Variants in ZNF484 observed in about 807,000 individuals in gnomAD.
The protein encoded by ZNF484 is zinc finger protein 484.
ZNF484 carries 11 observed loss-of-function variants against 12.9 expected under a neutral mutation model. That is an observed-to-expected ratio of 0.85 (90% CI 0.54 to 1.41). The LOEUF is 1.41. ZNF484 is among the 40% of genes most tolerant of loss of function. ZNF484 has a pLI of 0.00. For synonymous variants in ZNF484, 289 were observed against 334.1 expected (o/e 0.86, Z 1.47); for missense variants, 807 against 1,007.7 (o/e 0.80, Z 2.70).
At chr9:92,872,215 G>A in intron 2 of ZNF484, among the ~76,000 whole-genome samples, 2 of 111,272 alleles carry the variant, frequency 1.8e-5, no homozygotes. Context: ...TGGGCAACAA[G>A]AGCAAATCTC....
At position 92,847,815 on chromosome 9, in the gene ZNF484, C is replaced by T. The variant is rs748609759; in HGVS notation, c.972G>A (p.Glu324=). 20 of 1,614,070 alleles carry T rather than the reference C, an allele frequency of 1.2e-5. No individual in the cohort carries two copies. Among genetic ancestry groups the T allele is most frequent in the Non-Finnish European group, 1.7e-5 (20 of 1,180,028 alleles). The part of the protein sequence containing the change: ...LKSNRQKTPY[E]GNYYKCSDYG... ...AGTCACTGCATTTATAGTAATTCCC[C>T]TCATAAGGAGTTTTCTGACGGTTTG... The change falls in exon 5 of 5, where the codon GAG becomes GAA. Residue 324 remains glutamate, a synonymous_variant. Coordinates refer to ENST00000375495, the MANE Select transcript of ZNF484 (RefSeq NM_031486.4).
intron 2 of ZNF484, among the ~76,000 whole-genome samples, chr9:92,870,853 T>G (rs1052556316): frequency 3.3e-5 from 5 of 152,170 alleles, no homozygotes; most frequent in Non-Finnish European, 7.3e-5. Context: ...CTAGCAGTAA[T>G]GAGGTGTCTC....
chr9:92,845,680 T>TAA lies in ZNF484; in HGVS notation c.*546_*547dup, dbSNP rs1371876888. 6.5e-6 allele frequency: 1 copy of TAA among 153,076 alleles called. No individual in the cohort carries two copies. The highest frequency in any genetic ancestry group is 2.4e-5 in the African/African-American group (1 of 41,436). 9.5% of individuals were successfully genotyped at this position (153,076 alleles called of 1,614,324 possible). A position where few individuals can be genotyped will look rare whatever the true frequency, so the allele number is the denominator to read the frequency against. ...CATGATCGTAGGGCCAGTTCTAAGG[T>TAA]AATAATATAGACTTTTGAGAAATAG... is the stretch of plus-strand genomic sequence containing the variant. On this transcript the variant is annotated 3_prime_UTR_variant, in exon 5 of 5. Coordinates refer to ENST00000375495, the MANE Select transcript of ZNF484 (RefSeq NM_031486.4). This position sits in a 1 kb window ranked among gnomAD's most constrained non-coding sequence, Gnocchi z 4.0.
Position 92,844,904 on chromosome 9 carries a change from A to C in ZNF484, c.*1324T>G, listed in dbSNP as rs1855497636. 6.6e-6 allele frequency: 1 copy of C among 152,316 alleles called. No individual in the cohort carries two copies. The highest frequency in any genetic ancestry group is 6.5e-5 in the Admixed American group (1 of 15,304). The allele number at this position is 152,316 out of a possible 1,614,324, so 9.4% of individuals were successfully genotyped here. ...TGTGGGTTAATTTAAATGGATATTG[A>C]CTCAAATAATGATTGGCTATGTTCA... On this transcript the variant is annotated 3_prime_UTR_variant, in exon 5 of 5. Transcript: ENST00000375495.
At chr9:92,877,389 A>C (rs1857884400) in intron 1 of ZNF484, among the ~76,000 whole-genome samples, 1 of 152,150 alleles carries the variant, frequency 6.6e-6, no homozygotes, top group African/African-American at 2.4e-5. Flanking sequence ...ATGATATATA[A>C]ATATAATAAC....
rs1176433819 is a variant in ZNF484 at position 92,848,467 on chromosome 9, G to A, written c.320C>T (p.Thr107Ile). The change falls in exon 5 of 5, where the codon ACA (threonine) becomes ATA (isoleucine). Residue 107 changes from threonine (T) to isoleucine (I), a missense_variant. Physicochemically the swap from Thr to Ile is moderately conservative, Grantham distance 89 (BLOSUM62 -1). Coordinates refer to ENST00000375495, the MANE Select transcript of ZNF484 (RefSeq NM_031486.4). The surrounding 1 kb of genome is among the most constrained non-coding windows in gnomAD (Gnocchi z 4.1). ...FQSEININLF[T>I]RDDPYSILEE... Reference sequence around the variant, plus strand: ...TAAAATGGAATATGGGTCATCTCTTGTGAAGAGATTAATATTAATCTCAGA... The same window carrying A: ...TAAAATGGAATATGGGTCATCTCTTATGAAGAGATTAATATTAATCTCAGA... The A allele has an allele frequency of 4.3e-6, 7 of 1,613,610 alleles. No individual in the cohort carries two copies. In the East Asian group the frequency reaches 1.6e-4, roughly 36 times the overall value.
chr9:92,850,567 A>G (rs10491803), intron 4 of ZNF484, among the ~76,000 whole-genome samples: 5,504 of 152,096 alleles, frequency 0.036, 348 homozygotes, highest in African/African-American at 0.13. Flanking sequence ...AATCAACTCT[A>G]TGTAACAATT....
At chr9:92,873,735 C>A (rs1283457059) in intron 2 of ZNF484, among the ~76,000 whole-genome samples, 1 of 152,072 alleles carries the variant, frequency 6.6e-6, no homozygotes, top group Non-Finnish European at 1.5e-5. Flanking sequence ...ACAAACTATA[C>A]ACAATCTCTG....
Position 92,846,877 on chromosome 9 carries a change from CT to C in ZNF484, c.1909del (p.Arg637GlyfsTer71). 2 of 1,611,172 alleles carry C rather than the reference CT, an allele frequency of 1.2e-6. No homozygotes were observed. Among genetic ancestry groups the C allele is most frequent in the Non-Finnish European group, 1.7e-6 (2 of 1,179,086 alleles). ...QQIHTGEKPY[R>X]CAECGKAFTD... ...AAAAGCCTTTCCACATTCAGCACACCTATAGGGTTTCTCTCCTGTGTGAATC... is the reference window on the plus strand; with the variant it reads ...AAAAGCCTTTCCACATTCAGCACACCATAGGGTTTCTCTCCTGTGTGAATC... On this transcript the variant is annotated frameshift_variant, in exon 5 of 5. Coordinates refer to ENST00000375495, the MANE Select transcript of ZNF484 (RefSeq NM_031486.4). LOFTEE classifies it low-confidence loss of function (END_TRUNC).
At position 92,844,328 on chromosome 9, in the gene ZNF484, C is replaced by G. The variant is rs1855472789; in HGVS notation, c.*1900G>C. Among the ~76,000 whole-genome samples, 1 of 152,058 alleles carries G rather than the reference C, an allele frequency of 6.6e-6. No homozygotes were observed. The highest frequency in any genetic ancestry group is 2.4e-5 in the African/African-American group (1 of 41,396). On this transcript the variant is annotated 3_prime_UTR_variant, in exon 5 of 5. Coordinates refer to ENST00000375495, the MANE Select transcript of ZNF484 (RefSeq NM_031486.4). Reference sequence around the variant, plus strand: ...GTAATAAGGTTATCCCTAAAAGAAACAGAGAAGGAGAATGAGGCAGATGCA... The same window carrying G: ...GTAATAAGGTTATCCCTAAAAGAAAGAGAGAAGGAGAATGAGGCAGATGCA...
intron 4 of ZNF484, among the ~76,000 whole-genome samples, chr9:92,849,461 G>T (rs1006113351): frequency 6.6e-6 from 1 of 151,878 alleles, no homozygotes; most frequent in Admixed American, 6.6e-5. Context: ...TCATTTAGAT[G>T]TGCTGTTCTA....
intron 4 of ZNF484, among the ~76,000 whole-genome samples, chr9:92,853,136 A>G (rs1856211457): frequency 6.6e-6 from 1 of 152,244 alleles, no homozygotes; most frequent in African/African-American, 2.4e-5. Context: ...ATCTGAGATG[A>G]AATAGTGAAA....
At chr9:92,857,849 C>T (rs890178673) in intron 2 of ZNF484, among the ~76,000 whole-genome samples, 1 of 152,192 alleles carries the variant, frequency 6.6e-6, no homozygotes, top group Non-Finnish European at 1.5e-5. Flanking sequence ...CAGCCTCGAC[C>T]TGGGCTCAAG....
At chr9:92,867,446 C>A (rs1413445890) in intron 2 of ZNF484, among the ~76,000 whole-genome samples, 1 of 152,116 alleles carries the variant, frequency 6.6e-6, no homozygotes, top group African/African-American at 2.4e-5. Context: ...TGCGCCATTG[C>A]ACTCCAGCCT....
rs753780643 is a variant in ZNF484, at chr9:92,847,046, CAT to C, written c.1739_1740del (p.Tyr580CysfsTer4). 11 of 1,613,800 alleles carry C rather than the reference CAT, an allele frequency of 6.8e-6. No homozygotes were observed. The East Asian group carries it at 1.8e-4, about 26-fold the overall frequency. On this transcript the variant is annotated frameshift_variant, in exon 5 of 5. Coordinates refer to ENST00000375495, the MANE Select transcript of ZNF484 (RefSeq NM_031486.4). LOFTEE classifies it low-confidence loss of function (END_TRUNC). The stretch of plus-strand genomic sequence containing the variant: ...AAGGCCTTACCACATTCAGTGCAAA[CAT>C]ATGGTTTTTCCCCTCTATGAATTCT... ...HQRIHRGEKP[Y>X]VCTECGKAFF...
rs561554090 is a variant in ZNF484 at position 92,868,770 on chromosome 9, C to T, written c.15+6245G>A. On this transcript the variant is annotated intron_variant, in intron 2 of 4. Coordinates refer to ENST00000375495, the MANE Select transcript of ZNF484 (RefSeq NM_031486.4). ...CATAAGATTGAGAACTCACCACCTC[C>T]CCAGAGAGGGCATTAATCTATTCAT... Among the ~76,000 whole-genome samples, 22 of 152,294 alleles carry T rather than the reference C, an allele frequency of 1.4e-4. No individual in the cohort carries two copies. The East Asian group carries it at 1.9e-3, about 13-fold the overall frequency.
At chr9:92,874,899 T>A (rs914450396) in intron 2 of ZNF484, 116 bp downstream of exon 2, 3 of 996,522 alleles carry the variant, frequency 3.0e-6, no homozygotes, top group Admixed American at 2.8e-5. Flanking sequence ...TTATCTGATC[T>A]TAGTTTTTAT....
chr9:92,862,268 T>A, intron 2 of ZNF484: 2 of 384,694 alleles, frequency 5.2e-6, no homozygotes, highest in Non-Finnish European at 7.1e-6. Flanking sequence ...CTAAGCAAGA[T>A]GTTGAGAACT....
intron 2 of ZNF484, among the ~76,000 whole-genome samples, chr9:92,865,954 A>G (rs530873269): frequency 6.6e-6 from 1 of 152,360 alleles, no homozygotes; most frequent in South Asian, 2.1e-4. Flanking sequence ...ACAAGAGCAT[A>G]TTTCGTAATG....
Sources: gnomAD v4.1 joint callset for allele counts (sites outside exome capture counted in the v4.1 genomes callset) on GRCh38, gnomAD v4.1.1 for gene constraint, Gnocchi (gnomAD v3.1) non-coding constraint, MANE v1.5 for transcripts, NCBI Gene and HGNC (gene_info 2026-07-23, HGNC 2026-07-21) for gene names.